The following MYT1L variants were observed in gnomAD, a reference collection of about 807,000 sequenced individuals.
MYT1L encodes myelin transcription factor 1 like.
Under a neutral mutation model 126.7 loss-of-function variants are expected in MYT1L, and 12 were observed. The ratio of observed to expected loss-of-function variants is 0.09; its 90% CI spans 0.06 to 0.15. The LOEUF is 0.15. Among genes scored for constraint, MYT1L ranks in the 10% least tolerant of loss-of-function variants. MYT1L has a pLI of 1.00. For missense variants in MYT1L, 979 were observed against 1,585.2 expected (o/e 0.62, Z 6.49); for synonymous variants, 541 against 604.2 (o/e 0.90, Z 1.53).
chr2:2,002,139 C>T (rs576043727), intron 4 of MYT1L, among the ~76,000 whole-genome samples: 20 of 152,240 alleles, frequency 1.3e-4, no homozygotes, highest in Non-Finnish European at 2.4e-4. Context: ...ATTAGTACTG[C>T]CTCCTCAGAC....
At chr2:2,286,487 C>T (rs1041813025) in intron 1 of MYT1L, among the ~76,000 whole-genome samples, 10 of 152,148 alleles carry the variant, frequency 6.6e-5, no homozygotes, top group East Asian at 5.8e-4. Context: ...TATCAAGTTT[C>T]GAATGATTTC....
At chr2:2,061,391 G>A (rs944576026) in intron 3 of MYT1L, among the ~76,000 whole-genome samples, 7 of 152,140 alleles carry the variant, frequency 4.6e-5, no homozygotes, top group Admixed American at 6.5e-5. Context: ...CCTCTAAGCC[G>A]TTCTATTTGT....
intron 3 of MYT1L, among the ~76,000 whole-genome samples, chr2:2,106,796 G>A (rs2078818264): frequency 1.3e-5 from 2 of 152,158 alleles, no homozygotes; most frequent in Non-Finnish European, 2.9e-5. Flanking sequence ...GTATCTTAGA[G>A]GCATTTTCAA....
At chr2:2,234,565 C>T (rs148440105) in intron 2 of MYT1L, among the ~76,000 whole-genome samples, 310 of 152,294 alleles carry the variant, frequency 2.0e-3, no homozygotes, top group African/African-American at 7.2e-3. Context: ...ACCCCTGCAG[C>T]TCAAGTTGGC....
intron 2 of MYT1L, among the ~76,000 whole-genome samples, chr2:2,277,254 G>T (rs978404205): frequency 6.6e-6 from 1 of 152,150 alleles, no homozygotes; most frequent in Admixed American, 6.5e-5. Flanking sequence ...ACAGGCGTGA[G>T]CCACCTTGCC....
At chr2:2,013,936 G>T (rs954271161) in intron 4 of MYT1L, among the ~76,000 whole-genome samples, 2 of 152,226 alleles carry the variant, frequency 1.3e-5, no homozygotes, top group African/African-American at 4.8e-5. Context: ...GCACAGGGAT[G>T]GTGAAGAAGT....
At chr2:1,987,430 T>TCCATGGGAGGGGCAGCCAGTGTTC (rs1319789483) in intron 5 of MYT1L, among the ~76,000 whole-genome samples, 2 of 152,062 alleles carry the variant, frequency 1.3e-5, no homozygotes, top group Non-Finnish European at 2.9e-5. Context: ...GTGCAGCGTT[T>TCCATGGGAGGGGCAGCCAGTGTTC]CCATGGGAGG....
chr2:1,878,415 G>T (rs1298429994), intron 18 of MYT1L, among the ~76,000 whole-genome samples: 3 of 152,040 alleles, frequency 2.0e-5, no homozygotes, highest in Admixed American at 6.5e-5. Flanking sequence ...TTTCAGAAAT[G>T]GAATATTCCT....
At chr2:1,892,413 T>G in intron 14 of MYT1L, 126 bp from the exon 15 acceptor site, 1 of 1,309,534 alleles carries the variant, frequency 7.6e-7, no homozygotes. Flanking sequence ...CTCAGGGTGC[T>G]GGGGCTTACG....
chr2:1,840,740 AG>A lies in MYT1L; in HGVS notation c.2858+19del, dbSNP rs2041550694. The A allele has an allele frequency of 2.6e-6, 4 of 1,534,386 alleles. No individual in the cohort carries two copies. In the East Asian group the frequency reaches 9.8e-5, roughly 38 times the overall value. On this transcript the variant is annotated intron_variant, in intron 20 of 24. Coordinates refer to ENST00000647738, the MANE Select transcript of MYT1L (RefSeq NM_001303052.2). ...ACATGGCAGCCCTGCTATGGTTCTC[AG>A]CCCCACTGGTGCTCATACCTGATGG...
intron 3 of MYT1L, among the ~76,000 whole-genome samples, chr2:2,105,564 G>A (rs2078650618): frequency 6.6e-6 from 1 of 152,126 alleles, no homozygotes; most frequent in Non-Finnish European, 1.5e-5. Context: ...ATGACAAAAT[G>A]CTAATTTTAA....
chr2:2,103,860 G>A (rs2078416507), intron 3 of MYT1L, among the ~76,000 whole-genome samples: 1 of 152,238 alleles, frequency 6.6e-6, no homozygotes, highest in South Asian at 2.1e-4. Flanking sequence ...ATATTAACAA[G>A]AAGCTTCAAC....
At chr2:1,893,501 G>T (rs568460358) in intron 14 of MYT1L, among the ~76,000 whole-genome samples, 3 of 152,084 alleles carry the variant, frequency 2.0e-5, no homozygotes, top group African/African-American at 7.2e-5. Context: ...ACTCTAGCCC[G>T]GGTTCTCCTG....
intron 22 of MYT1L, among the ~76,000 whole-genome samples, chr2:1,802,621 A>G (rs769663218): frequency 6.6e-6 from 1 of 152,210 alleles, no homozygotes; most frequent in Non-Finnish European, 1.5e-5. Context: ...CACCTGGATC[A>G]GTCCTGGCAT....
intron 21 of MYT1L, among the ~76,000 whole-genome samples, chr2:1,830,667 A>G (rs940633384): frequency 2.0e-5 from 3 of 152,146 alleles, no homozygotes; most frequent in African/African-American, 7.2e-5. Flanking sequence ...CATGGGGATG[A>G]GGCAGCTTGG....
chr2:1,819,393 C>G (rs2038177465), intron 21 of MYT1L, among the ~76,000 whole-genome samples: 1 of 152,238 alleles, frequency 6.6e-6, no homozygotes, highest in South Asian at 2.1e-4. Context: ...GCATGCTCTT[C>G]AGACTTGGCC....
At chr2:2,016,150 G>A (rs903224091) in intron 4 of MYT1L, among the ~76,000 whole-genome samples, 3 of 152,232 alleles carry the variant, frequency 2.0e-5, no homozygotes, top group Admixed American at 6.5e-5. Flanking sequence ...TCCACTGTTT[G>A]GGTGCAGGGG....
intron 18 of MYT1L, among the ~76,000 whole-genome samples, chr2:1,877,525 C>A (rs1355927341): frequency 1.3e-5 from 2 of 152,066 alleles, no homozygotes; most frequent in Non-Finnish European, 2.9e-5. Flanking sequence ...GCATTTGTGC[C>A]AGAAGCAGGT....
intron 3 of MYT1L, among the ~76,000 whole-genome samples, chr2:2,080,886 A>G (rs1477433026): frequency 6.6e-6 from 1 of 152,234 alleles, no homozygotes; most frequent in Non-Finnish European, 1.5e-5. Flanking sequence ...ATTATGCTAA[A>G]TGAAAGAAGC....
Sources: gnomAD v4.1 joint callset for allele counts (sites outside exome capture counted in the v4.1 genomes callset) on GRCh38, gnomAD v4.1.1 for gene constraint, MANE v1.5 for transcripts, NCBI Gene and HGNC (gene_info 2026-07-23, HGNC 2026-07-21) for gene names.